COX7A2L: variants seen among roughly 807,000 people sequenced by gnomAD.
COX7A2L encodes cytochrome c oxidase subunit 7A2 like, also known as cytochrome c oxidase subunit 7A2-like, mitochondrial.
A neutral mutation model predicts 14.2 loss-of-function variants in COX7A2L; 18 were observed. That is an observed-to-expected ratio of 1.27 (90% CI 0.88 to 1.88). The LOEUF (loss-of-function observed/expected upper bound fraction) is 1.88, where lower values mean the gene tolerates loss of function less well. Ranked by LOEUF, COX7A2L falls within the 40% of genes most tolerant of loss-of-function variation. COX7A2L has a pLI of 0.00. For missense variants in COX7A2L, 179 were observed against 138.8 expected (o/e 1.29, Z -1.46); for synonymous variants, 65 against 57.4 (o/e 1.13, Z -0.60).
Position 42,337,188 on chromosome 2 carries a change from A to C in COX7A2L, c.193-3319T>G, listed in dbSNP as rs766185406. ...TTAAATTCTAGAATCAACCTCCAAA[A>C]GGCTGAATCTCAATATTTAAAAAGT... On this transcript the variant is annotated intron_variant, in intron 2 of 2. Transcript: ENST00000468711. 4.7e-4 allele frequency among the ~76,000 whole-genome samples: 72 copies of C among 152,326 alleles called. 1 individual carries two copies. Among genetic ancestry groups the C allele is most frequent in the Non-Finnish European group, 3.7e-4 (25 of 68,028 alleles).
rs1671027866 is a variant in COX7A2L, at chr2:42,361,191, CT to C, written c.-31del. On this transcript the variant is annotated 5_prime_UTR_variant, in exon 1 of 3. Transcript: ENST00000234301. ...CCCAGAGTCCGGCTTCCCGCATCCG[CT>C]GCCAACGCGACCGCCCCAGAGAAGG... is the stretch of plus-strand genomic sequence containing the variant. 2 of 1,579,714 alleles carry C rather than the reference CT, an allele frequency of 1.3e-6. No individual in the cohort carries two copies. Among genetic ancestry groups the C allele is most frequent in the South Asian group, 2.3e-5 (2 of 87,394 alleles).
At chr2:42,345,485 C>CG (rs1363544696), downstream of COX7A2L, among the ~76,000 whole-genome samples, 1 of 139,290 alleles carries the variant, frequency 7.2e-6, no homozygotes, top group African/African-American at 3.3e-5. Context: ...AAAAAAAAAA[C>CG]TGTCAGTCAT....
chr2:42,368,310 G>A (rs1671206623), intron 1 of COX7A2L, among the ~76,000 whole-genome samples: 1 of 152,196 alleles, frequency 6.6e-6, no homozygotes, highest in South Asian at 2.1e-4. Context: ...GAAATATTGA[G>A]AGCATTACAA....
chr2:42,360,929 C>T (rs1263363775), intron 1 of COX7A2L, 161 bp downstream of exon 1: 3 of 716,662 alleles, frequency 4.2e-6, no homozygotes, highest in Non-Finnish European at 7.2e-6. Context: ...GCCTCAGTGA[C>T]CACCGTACGC....
chr2:42,361,412 AG>A (rs2103915028), upstream of COX7A2L: 1 of 449,068 alleles, frequency 2.2e-6, no homozygotes, highest in South Asian at 3.1e-5. Context: ...CGGAGTCTGT[AG>A]GAAATATGAA....
chr2:42,351,282 A>C lies in COX7A2L; in HGVS notation c.282T>G (p.Thr94=). 3.1e-6 allele frequency: 5 copies of C among 1,614,222 alleles called. No individual in the cohort carries two copies. Among genetic ancestry groups the C allele is most frequent in the Non-Finnish European group, 4.2e-6 (5 of 1,180,036 alleles). The change falls in exon 3 of 3, where the codon ACT becomes ACG. Residue 94 remains threonine (T), a synonymous_variant. Transcript: ENST00000234301. ...QMLYRTTMAL[T]VGGTIYCLIA... ...TCAGGCAGTAGATGGTCCCTCCCAC[A>C]GTCAGCGCCATGGTGGTCCGGTAAA...
downstream of COX7A2L, among the ~76,000 whole-genome samples, chr2:42,346,917 T>A (rs556400716): frequency 6.4e-4 from 98 of 152,314 alleles, no homozygotes; most frequent in East Asian, 1.5e-3. Context: ...TACTTTTTTT[T>A]AAAAATTCTT....
At chr2:42,359,698 T>C (rs543020359) in intron 1 of COX7A2L, 19 of 152,150 alleles carry the variant, frequency 1.2e-4, no homozygotes, top group African/African-American at 3.6e-4. Flanking sequence ...TCCCTACAAA[T>C]TACCACCTAT....
Position 42,350,901 on chromosome 2 carries a change from C to T in COX7A2L, c.*318G>A, listed in dbSNP as rs1670619150. The T allele has an allele frequency of 5.5e-6, 1 of 183,176 alleles. No individual in the cohort carries two copies. Among genetic ancestry groups the T allele is most frequent in the African/African-American group, 2.3e-5 (1 of 42,604 alleles). The allele number at this position is 183,176 out of a possible 1,614,324, so 11.3% of individuals were successfully genotyped here. A position where few individuals can be genotyped will look rare whatever the true frequency, so the allele number is the denominator to read the frequency against. On this transcript the variant is annotated 3_prime_UTR_variant, in exon 3 of 3. Transcript: ENST00000234301. ...CTGCACCCCATGCTCAAAAATGCAACCTCAAGTCCCTGAGGTCCTCAGCAC... is the reference window on the plus strand; with the variant it reads ...CTGCACCCCATGCTCAAAAATGCAATCTCAAGTCCCTGAGGTCCTCAGCAC...
At chr2:42,336,134 C>T (rs1453231860) in intron 2 of COX7A2L, among the ~76,000 whole-genome samples, 1 of 152,200 alleles carries the variant, frequency 6.6e-6, no homozygotes, top group South Asian at 2.1e-4. Flanking sequence ...TCATTGGCCA[C>T]GTGCTTTTTC....
At chr2:42,351,477 A>G (rs908612122) in intron 2 of COX7A2L, 118 bp from the exon 3 acceptor site, 1 of 1,155,344 alleles carries the variant, frequency 8.7e-7, no homozygotes, top group Admixed American at 2.5e-5. Flanking sequence ...TGACAGTGGG[A>G]AAAGCACTAA....
intron 2 of COX7A2L, among the ~76,000 whole-genome samples, chr2:42,340,581 T>C (rs997037160): frequency 2.6e-5 from 4 of 152,098 alleles, no homozygotes; most frequent in Non-Finnish European, 5.9e-5. Flanking sequence ...CCTCTCATCC[T>C]GGATCCTGCC....
At chr2:42,361,423 A>G (rs898358745), upstream of COX7A2L, 3 of 419,812 alleles carry the variant, frequency 7.1e-6, no homozygotes, top group South Asian at 6.7e-5. Context: ...GGAAATATGA[A>G]GTTCCCTCTT....
downstream of COX7A2L, among the ~76,000 whole-genome samples, chr2:42,346,901 CCA>C (rs1670507832): frequency 6.6e-6 from 1 of 151,992 alleles, no homozygotes; most frequent in East Asian, 1.9e-4. Flanking sequence ...CCATTTATCT[CCA>C]GAGTACTTTT....
chr2:42,367,982 G>A (rs777255318), intron 1 of COX7A2L, among the ~76,000 whole-genome samples: 2 of 152,174 alleles, frequency 1.3e-5, no homozygotes, highest in Non-Finnish European at 2.9e-5. Context: ...CATGGCAAAG[G>A]TAAAAATCAA....
downstream of COX7A2L, among the ~76,000 whole-genome samples, chr2:42,346,638 G>A (rs368678374): frequency 2.0e-5 from 3 of 151,854 alleles, no homozygotes; most frequent in Non-Finnish European, 4.4e-5. Context: ...CTGCAACAGC[G>A]CCTATTGTCC....
chr2:42,347,548 T>C (rs1292150219), downstream of COX7A2L, among the ~76,000 whole-genome samples: 1 of 151,936 alleles, frequency 6.6e-6, no homozygotes, highest in Non-Finnish European at 1.5e-5. Context: ...TATAGAAAAA[T>C]GAGACAGAAC....
Position 42,350,447 on chromosome 2 carries a change from T to C in COX7A2L, c.*772A>G, listed in dbSNP as rs1670599797. Reference sequence around the variant, plus strand: ...GAAATTAGACTCAGGTTTAAGATGCTGCTGGTGTTCTGAAATTACTCTGAA... The same window carrying C: ...GAAATTAGACTCAGGTTTAAGATGCCGCTGGTGTTCTGAAATTACTCTGAA... On this transcript the variant is annotated 3_prime_UTR_variant, in exon 3 of 3. Transcript: ENST00000234301. 6.6e-6 allele frequency: 1 copy of C among 152,222 alleles called. No homozygotes were observed. Among genetic ancestry groups the C allele is most frequent in the African/African-American group, 2.4e-5 (1 of 41,446 alleles). The allele number at this position is 152,222 out of a possible 1,614,324, so 9.4% of individuals were successfully genotyped here.
chr2:42,352,725 AT>A (rs1253417160), intron 2 of COX7A2L, among the ~76,000 whole-genome samples: 1 of 152,168 alleles, frequency 6.6e-6, no homozygotes, highest in East Asian at 1.9e-4. Flanking sequence ...CTTTAAAAAC[AT>A]TTTCAATTCT....
Sources: allele counts gnomAD v4.1 joint callset (sites outside exome capture counted in the v4.1 genomes callset), GRCh38; gene constraint gnomAD v4.1.1; transcripts MANE v1.5; gene names NCBI Gene and HGNC (gene_info 2026-07-23, HGNC 2026-07-21).